DGKH: variants seen among roughly 807,000 people sequenced by gnomAD.
DGKH encodes the protein DAG kinase eta.
DGKH carries 90 observed loss-of-function variants against 159.3 expected under a neutral mutation model. That is an observed-to-expected ratio of 0.57 (90% CI 0.48 to 0.67). DGKH has a LOEUF of 0.67. Ranked by LOEUF, DGKH falls within the 30% of genes least tolerant of loss-of-function variation. The pLI is 0.00. For synonymous variants in DGKH, 536 were observed against 553.8 expected (o/e 0.97, Z 0.45); for missense variants, 1,181 against 1,506.1 (o/e 0.78, Z 3.57).
intron 1 of DGKH, among the ~76,000 whole-genome samples, chr13:42,059,804 G>C (rs1259271804): frequency 6.6e-6 from 1 of 151,742 alleles, no homozygotes; most frequent in Non-Finnish European, 1.5e-5. Context: ...GTGGTCTCTA[G>C]TTTTCAGTCA....
At chr13:42,219,919 A>T in intron 28 of DGKH, 125 bp downstream of exon 28, 4 of 720,058 alleles carry the variant, frequency 5.6e-6, no homozygotes, top group Non-Finnish European at 9.2e-6. Context: ...AGTATGATGA[A>T]CATACTGTCA....
At position 42,236,903 on chromosome 13, in the gene DGKH, A is replaced by AG. The variant is rs576942369; in HGVS notation, c.*7720dup. The AG allele has an allele frequency of 1.3e-5, 2 of 152,092 alleles. No individual in the cohort carries two copies. The highest frequency in any genetic ancestry group is 6.6e-5 in the Admixed American group (1 of 15,260). 9.4% of individuals were successfully genotyped at this position (152,092 alleles called of 1,614,324 possible). A position where few individuals can be genotyped will look rare whatever the true frequency, so the allele number is the denominator to read the frequency against. On this transcript the variant is annotated 3_prime_UTR_variant, in exon 30 of 30. Transcript: ENST00000337343. ...GGGCGACAGAGCGAGACTCTGTCTC[A>AG]GGGGGAAAAAAAAGAATTTTGAACC...
chr13:42,190,546 T>G, intron 16 of DGKH, 21 bp downstream of exon 16: 2 of 1,559,916 alleles, frequency 1.3e-6, no homozygotes, highest in Non-Finnish European at 1.7e-6. Context: ...TGGGAAAAAA[T>G]TATTTTGGAA....
intron 29 of DGKH, among the ~76,000 whole-genome samples, chr13:42,224,069 G>A (rs1958056731): frequency 6.6e-6 from 1 of 152,074 alleles, no homozygotes; most frequent in African/African-American, 2.4e-5. Context: ...CAAAAGACAT[G>A]TTTTCATTCT....
At chr13:42,168,865 A>G in intron 11 of DGKH, 47 bp downstream of exon 11, 1 of 1,553,008 alleles carries the variant, frequency 6.4e-7, no homozygotes, top group Non-Finnish European at 8.7e-7. Context: ...TGGCATACTG[A>G]AATCATTTTT....
At chr13:42,123,368 G>A (rs1955111020) in intron 1 of DGKH, among the ~76,000 whole-genome samples, 1 of 152,120 alleles carries the variant, frequency 6.6e-6, no homozygotes, top group African/African-American at 2.4e-5. Context: ...ATTCTATGTT[G>A]AGATTAATAG....
At chr13:42,120,929 G>A (rs1031567153) in intron 1 of DGKH, among the ~76,000 whole-genome samples, 2 of 152,102 alleles carry the variant, frequency 1.3e-5, no homozygotes, top group African/African-American at 4.8e-5. Flanking sequence ...CACTGTCACA[G>A]AGGTTACTTT....
At chr13:42,089,571 C>T (rs1954375124) in intron 1 of DGKH, among the ~76,000 whole-genome samples, 1 of 152,130 alleles carries the variant, frequency 6.6e-6, no homozygotes, top group Non-Finnish European at 1.5e-5. Context: ...GTGCTAGAGA[C>T]CACTAACATT....
chr13:42,046,737 G>T (rs1433396087), upstream of DGKH, among the ~76,000 whole-genome samples: 1 of 152,182 alleles, frequency 6.6e-6, no homozygotes, highest in Non-Finnish European at 1.5e-5. Flanking sequence ...AACACATAAT[G>T]TATGAATAGA....
intron 1 of DGKH, among the ~76,000 whole-genome samples, chr13:42,084,701 A>G (rs1181577076): frequency 5.9e-5 from 9 of 151,998 alleles, no homozygotes; most frequent in African/African-American, 2.2e-4. Flanking sequence ...ACAGCTAAGG[A>G]TTAGACTTTT....
At chr13:42,072,690 A>G (rs1168970779) in intron 1 of DGKH, among the ~76,000 whole-genome samples, 1 of 152,200 alleles carries the variant, frequency 6.6e-6, no homozygotes, top group Non-Finnish European at 1.5e-5. Flanking sequence ...ATGTATGTGG[A>G]GTTCTGTTTA....
intron 1 of DGKH, among the ~76,000 whole-genome samples, chr13:42,053,852 C>T (rs1310684519): frequency 6.6e-6 from 1 of 152,036 alleles, no homozygotes; most frequent in African/African-American, 2.4e-5. Flanking sequence ...GATCTCTTGA[C>T]CTTGTGATCC....
Position 42,048,893 on chromosome 13 carries a change from C to A in DGKH, c.120C>A (p.Asp40Glu). 1.5e-6 allele frequency: 2 copies of A among 1,373,246 alleles called. No homozygotes were observed. Among genetic ancestry groups the A allele is most frequent in the Non-Finnish European group, 9.5e-7 (1 of 1,057,580 alleles). 85.1% of individuals were successfully genotyped at this position (1,373,246 alleles called of 1,614,324 possible). ...ASAGPGEDSS[D>E]SEAEQEGPQK... Reference sequence around the variant, plus strand: ...CGGGGCCGGGAGAGGATTCGTCTGACAGCGAAGCGGAGCAAGAGGGACCCC... The same window carrying A: ...CGGGGCCGGGAGAGGATTCGTCTGAAAGCGAAGCGGAGCAAGAGGGACCCC... The change falls in exon 1 of 30, where the codon GAC becomes GAA. Residue 40 changes from aspartate (D) to glutamate (E), a missense_variant. By Grantham distance (45) the Asp-to-Glu change is conservative (BLOSUM62 2). Coordinates refer to ENST00000337343, the MANE Select transcript of DGKH (RefSeq NM_178009.5). This position sits in a 1 kb window ranked among gnomAD's most constrained non-coding sequence, Gnocchi z 6.7.
chr13:42,069,963 A>T, intron 1 of DGKH: 2 of 737,922 alleles, frequency 2.7e-6, no homozygotes, highest in Non-Finnish European at 4.8e-6. Flanking sequence ...GCTGAACTTC[A>T]TCAATATCAA....
At chr13:42,123,743 A>C (rs755950004) in intron 1 of DGKH, among the ~76,000 whole-genome samples, 2 of 152,214 alleles carry the variant, frequency 1.3e-5, no homozygotes, top group Non-Finnish European at 2.9e-5. Flanking sequence ...AAATGCTCAA[A>C]GTCAGTAGTC....
chr13:42,238,021 G>A lies in DGKH; in HGVS notation c.*8833G>A, dbSNP rs144107757. 1 of 152,302 alleles carries A rather than the reference G, an allele frequency of 6.6e-6. No homozygotes were observed. The highest frequency in any genetic ancestry group is 2.4e-5 in the African/African-American group (1 of 41,584). The allele number at this position is 152,302 out of a possible 1,614,324, so 9.4% of individuals were successfully genotyped here. A position where few individuals can be genotyped will look rare whatever the true frequency, so the allele number is the denominator to read the frequency against. The stretch of plus-strand genomic sequence containing the variant: ...TGGGAACATGGTTTAGGTTTATCCA[G>A]TTCTGTAACTGACTTTGGCATTGGC... On this transcript the variant is annotated 3_prime_UTR_variant, in exon 30 of 30. Transcript: ENST00000337343.
intron 1 of DGKH, among the ~76,000 whole-genome samples, chr13:42,112,714 C>G (rs573990429): frequency 6.6e-6 from 1 of 152,308 alleles, no homozygotes; most frequent in African/African-American, 2.4e-5. Flanking sequence ...AATGTTGATC[C>G]CAGAAACATC....
At chr13:42,188,749 A>G (rs1313882793) in intron 14 of DGKH, among the ~76,000 whole-genome samples, 2 of 152,230 alleles carry the variant, frequency 1.3e-5, no homozygotes, top group Non-Finnish European at 2.9e-5. Context: ...TAATTGTGCC[A>G]ACTTAAAAAA....
chr13:42,183,534 G>A (rs1031339869), intron 13 of DGKH, among the ~76,000 whole-genome samples: 2 of 152,102 alleles, frequency 1.3e-5, no homozygotes, highest in African/African-American at 2.4e-5. Context: ...AAGGCAAAAT[G>A]TTTAAACCCT....
Sources: allele counts gnomAD v4.1 joint callset (sites outside exome capture counted in the v4.1 genomes callset), GRCh38; gene constraint gnomAD v4.1.1; non-coding constraint Gnocchi (gnomAD v3.1); transcripts MANE v1.5; gene names NCBI Gene and HGNC (gene_info 2026-07-23, HGNC 2026-07-21).